Variants in PNPO observed in about 807,000 individuals in gnomAD.
The protein encoded by PNPO is pyridoxine-5'-phosphate oxidase.
Under a neutral mutation model 35.0 loss-of-function variants are expected in PNPO, and 39 were observed. The ratio of observed to expected loss-of-function variants is 1.11; its 90% CI spans 0.86 to 1.45. The LOEUF is 1.45. Among genes scored for constraint, PNPO ranks in the 40% most tolerant of loss-of-function variants. The pLI, the probability that PNPO is intolerant of heterozygous loss-of-function variation, is 0.00. For synonymous variants in PNPO, 115 were observed against 119.8 expected (o/e 0.96, Z 0.26); for missense variants, 288 against 340.0 (o/e 0.85, Z 1.20).
Position 47,946,341 on chromosome 17 carries a change from G to C in PNPO, c.565G>C (p.Glu189Gln), listed in dbSNP as rs1039654112. 4.3e-6 allele frequency: 7 copies of C among 1,613,288 alleles called. No homozygotes were observed. The highest frequency in any genetic ancestry group is 5.9e-6 in the Non-Finnish European group (7 of 1,179,262). ...TGGACAGTATCTGAGAAAGAAAAAT[G>C]AGGAACTGGAACAGCTCTACCAGGA... ...PDREYLRKKN[E>Q]ELEQLYQDQE... Residue 189 changes from glutamate (E) to glutamine (Q), a missense_variant, in exon 6 of 7, where the codon GAG becomes CAG. Coordinates refer to ENST00000642017, the MANE Select transcript of PNPO (RefSeq NM_018129.4).
chr17:47,944,200 CGTGT>C lies in PNPO; in HGVS notation c.264-383_264-380del, dbSNP rs3047638. On this transcript the variant is annotated intron_variant, in intron 2 of 6. Transcript: ENST00000642017. ...TTTACCATGTCCTCACACTGCCTTT[CGTGT>C]GTGTGTGTGTGTGTGTGTGTGTGTG... Among the ~76,000 whole-genome samples, 520 of 142,170 alleles carry C rather than the reference CGTGT, an allele frequency of 3.7e-3. 2 individuals carry two copies. The highest frequency in any genetic ancestry group is 5.6e-3 in the African/African-American group (212 of 37,840). 93.3% of individuals were successfully genotyped at this position (142,170 alleles called of 152,430 possible).
chr17:47,941,730 C>CCAGGCTACCTCAGTCACCTGTGTGGT lies in PNPO; in HGVS notation c.57_82dup (p.Arg28GlnfsTer35). Reference sequence around the variant, plus strand: ...GACGTTCGGGCGACCTGCCGAGTGGCCAGGCTACCTCAGTCACCTGTGTGG... The same window carrying CCAGGCTACCTCAGTCACCTGTGTGGT: ...GACGTTCGGGCGACCTGCCGAGTGGCCAGGCTACCTCAGTCACCTGTGTGGTCAGGCTACCTCAGTCACCTGTGTGG... On this transcript the variant is annotated frameshift_variant, in exon 1 of 7. Transcript: ENST00000642017. LOFTEE classifies it high-confidence loss of function. 1.3e-6 allele frequency: 2 copies of CCAGGCTACCTCAGTCACCTGTGTGGT among 1,549,890 alleles called. No individual in the cohort carries two copies. Among genetic ancestry groups the CCAGGCTACCTCAGTCACCTGTGTGGT allele is most frequent in the Non-Finnish European group, 1.7e-6 (2 of 1,146,014 alleles).
At chr17:47,943,236 A>G in intron 1 of PNPO, 70 bp from the exon 2 acceptor site, 1 of 1,290,620 alleles carries the variant, frequency 7.7e-7, no homozygotes, top group South Asian at 1.2e-5. Context: ...TTGAAAAGTG[A>G]CTAGAACAGT....
chr17:47,945,919 A>G lies in PNPO; in HGVS notation c.476A>G (p.His159Arg). 3.1e-6 allele frequency: 5 copies of G among 1,613,442 alleles called. No individual in the cohort carries two copies. The highest frequency in any genetic ancestry group is 1.1e-5 in the South Asian group (1 of 91,056). Residue 159 changes from histidine to arginine, a missense_variant, in exon 5 of 7, where the codon CAC (histidine) becomes CGC (arginine). Physicochemically the swap from His to Arg is conservative, Grantham distance 29. Coordinates refer to ENST00000642017, the MANE Select transcript of PNPO (RefSeq NM_018129.4). The surrounding 1 kb of genome is among the most constrained non-coding windows in gnomAD (Gnocchi z 4.0). ...GAGGAGGAGGCTGAGTGCTACTTCC[A>G]CTCCCGCCCCAAGAGCAGCCAGATT... Reference protein sequence around the residue: ...LPEEEAECYFHSRPKSSQIGA... With the variant: ...LPEEEAECYFRSRPKSSQIGA...
intron 1 of PNPO, chr17:47,942,192 C>A: frequency 3.8e-6 from 1 of 265,928 alleles, no homozygotes; most frequent in Non-Finnish European, 6.1e-6. Flanking sequence ...TAGAACCCTG[C>A]TACTCGACAG....
chr17:47,945,922 C>A lies in PNPO; in HGVS notation c.479C>A (p.Ser160Tyr). Residue 160 changes from serine (S) to tyrosine (Y), a missense_variant, in exon 5 of 7, where the codon TCC (serine) becomes TAC (tyrosine). Physicochemically the swap from Ser to Tyr is moderately radical, Grantham distance 144. Coordinates refer to ENST00000642017, the MANE Select transcript of PNPO (RefSeq NM_018129.4). This position sits in a 1 kb window ranked among gnomAD's most constrained non-coding sequence, Gnocchi z 4.0. ...GAGGAGGCTGAGTGCTACTTCCACT[C>A]CCGCCCCAAGAGCAGCCAGATTGGG... ...PEEEAECYFHSRPKSSQIGAV... is the reference protein window; with the variant it reads ...PEEEAECYFHYRPKSSQIGAV... The A allele has an allele frequency of 1.2e-6, 2 of 1,613,952 alleles. No homozygotes were observed. The highest frequency in any genetic ancestry group is 1.7e-6 in the Non-Finnish European group (2 of 1,179,990).
At position 47,941,619 on chromosome 17, in the gene PNPO, G is replaced by A. The variant is rs760344959; in HGVS notation, c.-57G>A. On this transcript the variant is annotated 5_prime_UTR_variant, in exon 1 of 7. Transcript: ENST00000642017. ...AAGTCCAGGGTGAGAAATTGGTTCC[G>A]AACTCAAAGGAACCCAGTGCCGGGC... 3 of 1,470,852 alleles carry A rather than the reference G, an allele frequency of 2.0e-6. No individual in the cohort carries two copies. Among genetic ancestry groups the A allele is most frequent in the Non-Finnish European group, 2.7e-6 (3 of 1,102,712 alleles). The allele number at this position is 1,470,852 out of a possible 1,614,324, so 91.1% of individuals were successfully genotyped here. A position where few individuals can be genotyped will look rare whatever the true frequency, so the allele number is the denominator to read the frequency against.
At position 47,945,041 on chromosome 17, in the gene PNPO, T is replaced by C. The variant is rs905531537; in HGVS notation, c.363+326T>C. 2 of 425,492 alleles carry C rather than the reference T, an allele frequency of 4.7e-6. No homozygotes were observed. The allele number at this position is 425,492 out of a possible 1,614,324, so 26.4% of individuals were successfully genotyped here. ...CATTATAACTTGCAACTTTCTTTTT[T>C]GTCTTCTTCTTCAGTTTGTAACTGA... On this transcript the variant is annotated intron_variant, in intron 3 of 6. Coordinates refer to ENST00000642017, the MANE Select transcript of PNPO (RefSeq NM_018129.4). The surrounding 1 kb of genome is among the most constrained non-coding windows in gnomAD (Gnocchi z 4.0).
chr17:47,941,950 C>T (rs919863636), intron 1 of PNPO, 137 bp downstream of exon 1: 1 of 1,355,874 alleles, frequency 7.4e-7, no homozygotes, highest in Non-Finnish European at 9.5e-7. Flanking sequence ...GTTTGAGGAT[C>T]ACCCCCCGTG....
chr17:47,941,889 G>A (rs987448289), intron 1 of PNPO, 76 bp downstream of exon 1: 1 of 1,471,856 alleles, frequency 6.8e-7, no homozygotes, highest in East Asian at 2.6e-5. Context: ...GCGGGGAGGG[G>A]AGTAGTAGGA....
rs1249450216 is a variant in PNPO at position 47,946,113 on chromosome 17, C to T, written c.546+124C>T. ...TCCTCTCTCTCCAGCCCAGTGAAAA[C>T]AGTGAAAAGGACAGTGAGAAGGGAA... On this transcript the variant is annotated intron_variant, in intron 5 of 6. Coordinates refer to ENST00000642017, the MANE Select transcript of PNPO (RefSeq NM_018129.4). 20 of 1,338,698 alleles carry T rather than the reference C, an allele frequency of 1.5e-5. No homozygotes were observed. The East Asian group carries it at 3.9e-4, about 26-fold the overall frequency. 82.9% of individuals were successfully genotyped at this position (1,338,698 alleles called of 1,614,324 possible).
chr17:47,941,950 C>A, intron 1 of PNPO, 137 bp downstream of exon 1: 2 of 1,355,992 alleles, frequency 1.5e-6, no homozygotes, highest in South Asian at 1.8e-5. Flanking sequence ...GTTTGAGGAT[C>A]ACCCCCCGTG....
chr17:47,942,150 G>T, intron 1 of PNPO: 2 of 615,188 alleles, frequency 3.3e-6, no homozygotes, highest in African/African-American at 1.9e-5. Flanking sequence ...GCCTCACGGG[G>T]ATGTTATGGT....
Position 47,945,974 on chromosome 17 carries a change from G to A in PNPO, c.531G>A (p.Val177=). The A allele has an allele frequency of 1.5e-5, 24 of 1,613,984 alleles. No homozygotes were observed. The highest frequency in any genetic ancestry group is 2.0e-5 in the Non-Finnish European group (24 of 1,180,042). The part of the protein sequence containing the change: ...IGAVVSHQSS[V]IPDREYLRKK... ...CTGTGGTCAGCCACCAGAGTTCTGT[G>A]ATCCCTGATCGGGAGGTGAGTGGAG... The change falls in exon 5 of 7, where the codon GTG becomes GTA. Residue 177 remains valine, a synonymous_variant. Coordinates refer to ENST00000642017, the MANE Select transcript of PNPO (RefSeq NM_018129.4). The surrounding 1 kb of genome is among the most constrained non-coding windows in gnomAD (Gnocchi z 4.0).
At chr17:47,944,496 C>T in intron 2 of PNPO, 120 bp from the exon 3 acceptor site, 1 of 823,814 alleles carries the variant, frequency 1.2e-6, no homozygotes, top group Non-Finnish European at 2.1e-6. Context: ...ACGGGGTAGC[C>T]TGACAGCCCA....
At chr17:47,942,169 T>A in intron 1 of PNPO, 1 of 456,494 alleles carries the variant, frequency 2.2e-6, no homozygotes, top group Non-Finnish European at 3.1e-6. Flanking sequence ...GTCTAAGATG[T>A]TTGTAAAGTG....
At chr17:47,943,204 T>G (rs1195261427) in intron 1 of PNPO, 102 bp from the exon 2 acceptor site, 5 of 862,018 alleles carry the variant, frequency 5.8e-6, no homozygotes, top group African/African-American at 5.0e-5. Flanking sequence ...GTCATTGTCA[T>G]GAGGACTAAA....
In PNPO at chr17:47,941,605, G is replaced by A; in HGVS notation, c.-71G>A. 2.1e-6 allele frequency: 3 copies of A among 1,456,732 alleles called. No individual in the cohort carries two copies. Among genetic ancestry groups the A allele is most frequent in the Non-Finnish European group, 2.7e-6 (3 of 1,096,260 alleles). The allele number at this position is 1,456,732 out of a possible 1,614,324, so 90.2% of individuals were successfully genotyped here. A position where few individuals can be genotyped will look rare whatever the true frequency, so the allele number is the denominator to read the frequency against. ...CTTCCCCGGGGTAGAAGTCCAGGGTGAGAAATTGGTTCCGAACTCAAAGGA... is the reference window on the plus strand; with the variant it reads ...CTTCCCCGGGGTAGAAGTCCAGGGTAAGAAATTGGTTCCGAACTCAAAGGA... On this transcript the variant is annotated 5_prime_UTR_variant, in exon 1 of 7. Transcript: ENST00000642017.
In PNPO at chr17:47,945,564, T is replaced by C; in HGVS notation, c.369T>C (p.Ser123=). The C allele has an allele frequency of 6.2e-7, 1 of 1,612,954 alleles. No homozygotes were observed. The highest frequency in any genetic ancestry group is 8.5e-7 in the Non-Finnish European group (1 of 1,178,896). Residue 123 remains serine, a synonymous_variant, in exon 4 of 7, where the codon TCT becomes TCC. Transcript: ENST00000642017. This position sits in a 1 kb window ranked among gnomAD's most constrained non-coding sequence, Gnocchi z 4.0. The part of the protein sequence containing the change: ...FESRKGKELD[S]NPFASLVFYW... Reference sequence around the variant, plus strand: ...GGATTCTCTTTTACTTCTAGGACTCTAATCCCTTTGCTTCCCTTGTCTTCT... The same window carrying C: ...GGATTCTCTTTTACTTCTAGGACTCCAATCCCTTTGCTTCCCTTGTCTTCT...
Sources: gnomAD v4.1 joint callset for allele counts (sites outside exome capture counted in the v4.1 genomes callset) on GRCh38, gnomAD v4.1.1 for gene constraint, Gnocchi (gnomAD v3.1) non-coding constraint, MANE v1.5 for transcripts, NCBI Gene and HGNC (gene_info 2026-07-23, HGNC 2026-07-21) for gene names.